COL8A1: variants seen among roughly 807,000 people sequenced by gnomAD.
COL8A1 encodes collagen type VIII alpha 1 chain.
A neutral mutation model predicts 42.7 loss-of-function variants in COL8A1; 21 were observed. The ratio of observed to expected loss-of-function variants is 0.49; its 90% CI spans 0.35 to 0.71. The LOEUF (loss-of-function observed/expected upper bound fraction) is 0.71. Ranked by LOEUF, COL8A1 falls within the 30% of genes least tolerant of loss-of-function variation. The pLI, the probability that COL8A1 is intolerant of heterozygous loss-of-function variation, is 0.01. For missense variants in COL8A1, 788 were observed against 962.4 expected (o/e 0.82, Z 2.40); for synonymous variants, 367 against 369.1 (o/e 0.99, Z 0.06).
intron 1 of COL8A1, among the ~76,000 whole-genome samples, chr3:99,644,439 G>C (rs1274992179): frequency 1.3e-5 from 2 of 152,110 alleles, no homozygotes; most frequent in Non-Finnish European, 2.9e-5. Context: ...CTCCATCATA[G>C]AAAGTGACGA....
At chr3:99,787,201 T>C (rs1385107239) in intron 2 of COL8A1, among the ~76,000 whole-genome samples, 1 of 152,214 alleles carries the variant, frequency 6.6e-6, no homozygotes, top group Non-Finnish European at 1.5e-5. Context: ...CACATTATTC[T>C]GTTAATATAT....
chr3:99,748,151 T>G (rs570500940), intron 2 of COL8A1, among the ~76,000 whole-genome samples: 1 of 152,352 alleles, frequency 6.6e-6, no homozygotes, highest in East Asian at 1.9e-4. Context: ...ACTAAATCAC[T>G]TTTTCAAGTC....
chr3:99,736,021 A>T, intron 1 of COL8A1, among the ~76,000 whole-genome samples: 2 of 125,220 alleles, frequency 1.6e-5, no homozygotes, highest in Non-Finnish European at 3.4e-5. Context: ...TTTTTATTGC[A>T]TCTATTTGAT....
intron 2 of COL8A1, among the ~76,000 whole-genome samples, chr3:99,764,866 T>A (rs1941432562): frequency 6.6e-6 from 1 of 151,960 alleles, no homozygotes; most frequent in Non-Finnish European, 1.5e-5. Context: ...GTAAAGTGCT[T>A]TTAACAGTGT....
chr3:99,715,704 AT>A (rs969009406), intron 1 of COL8A1, among the ~76,000 whole-genome samples: 8 of 151,922 alleles, frequency 5.3e-5, no homozygotes, highest in East Asian at 1.9e-4. Flanking sequence ...AGAAAGAATA[AT>A]TTTTTTTCTA....
chr3:99,646,816 A>T (rs1937653197), intron 1 of COL8A1, among the ~76,000 whole-genome samples: 1 of 152,238 alleles, frequency 6.6e-6, no homozygotes, highest in African/African-American at 2.4e-5. Flanking sequence ...AAGAGTCTTA[A>T]AAGGCTTATA....
chr3:99,704,935 T>C (rs549409953), intron 1 of COL8A1, among the ~76,000 whole-genome samples: 40 of 152,190 alleles, frequency 2.6e-4, no homozygotes, highest in African/African-American at 9.4e-4. Context: ...CTAGGGGAAG[T>C]TCCCTGCAGG....
intron 2 of COL8A1, among the ~76,000 whole-genome samples, chr3:99,765,403 T>A (rs978357184): frequency 5.9e-5 from 9 of 152,150 alleles, no homozygotes; most frequent in African/African-American, 1.9e-4. Context: ...ACAATGAGAA[T>A]CCACAATAAT....
Position 99,652,473 on chromosome 3 carries a change from G to A in COL8A1, c.-129+13809G>A, listed in dbSNP as rs115322428. Among the ~76,000 whole-genome samples, 1,026 of 152,288 alleles carry A rather than the reference G, an allele frequency of 6.7e-3. 4 individuals are homozygous for A. Among genetic ancestry groups the A allele is most frequent in the Non-Finnish European group, 0.01 (689 of 68,006 alleles). On this transcript the variant is annotated intron_variant, in intron 1 of 3. Coordinates refer to ENST00000652472, the MANE Select transcript of COL8A1 (RefSeq NM_020351.4). ...TCAATTTCTTTATATCATTAATATC[G>A]TGAGTGTTGGGGCTGGAATATAAAT... is the stretch of plus-strand genomic sequence containing the variant.
chr3:99,746,980 T>C (rs1175058856), intron 2 of COL8A1, among the ~76,000 whole-genome samples: 1 of 152,208 alleles, frequency 6.6e-6, no homozygotes, highest in Non-Finnish European at 1.5e-5. Context: ...TTATGTAGTT[T>C]ATTAAGTTCT....
intron 3 of COL8A1, among the ~76,000 whole-genome samples, chr3:99,791,500 C>G (rs891677287): frequency 6.6e-6 from 1 of 152,234 alleles, no homozygotes; most frequent in Non-Finnish European, 1.5e-5. Flanking sequence ...GTTCTTAATA[C>G]TACTCTAATT....
chr3:99,710,921 T>C (rs1254549176), intron 1 of COL8A1, among the ~76,000 whole-genome samples: 3 of 152,136 alleles, frequency 2.0e-5, no homozygotes, highest in Admixed American at 6.6e-5. Context: ...AGAAAAAATA[T>C]ATACTTTATT....
intron 1 of COL8A1, among the ~76,000 whole-genome samples, chr3:99,688,575 G>T (rs1939130320): frequency 6.6e-6 from 1 of 152,114 alleles, no homozygotes; most frequent in Non-Finnish European, 1.5e-5. Flanking sequence ...CACCTGCAAA[G>T]TCCCCTTTGC....
chr3:99,798,491 G>A lies in COL8A1; in HGVS notation c.*2355G>A, dbSNP rs527693450. 1.3e-5 allele frequency: 2 copies of A among 152,290 alleles called. No individual in the cohort carries two copies. The highest frequency in any genetic ancestry group is 4.8e-5 in the African/African-American group (2 of 41,568). The allele number at this position is 152,290 out of a possible 1,614,324, so 9.4% of individuals were successfully genotyped here. ...TGTAAAATTGTATTTATCTGTACAT[G>A]TATGGGCTTTTAATTCCCACCAAGA... On this transcript the variant is annotated 3_prime_UTR_variant, in exon 4 of 4. Coordinates refer to ENST00000652472, the MANE Select transcript of COL8A1 (RefSeq NM_020351.4).
chr3:99,795,844 C>T lies in COL8A1; in HGVS notation c.1943C>T (p.Pro648Leu), dbSNP rs763974579. 4.3e-6 allele frequency: 7 copies of T among 1,614,068 alleles called. No homozygotes were observed. Among genetic ancestry groups the T allele is most frequent in the South Asian group, 1.1e-5 (1 of 91,092 alleles). ...LLYNGRQNYN[P>L]QTGIFTCEVP... The stretch of plus-strand genomic sequence containing the variant: ...TATAACGGCAGACAGAACTACAACC[C>T]GCAGACAGGCATCTTCACCTGTGAG... The change falls in exon 4 of 4, where the codon CCG becomes CTG. Residue 648 changes from proline (P) to leucine (L), a missense_variant. Pro to Leu is a moderately conservative substitution (Grantham distance 98). Around this residue, in one of 4 missense-constraint regions of COL8A1, gnomAD observed 212 missense variants for 210.9 expected, o/e 1.00. Transcript: ENST00000652472.
At chr3:99,673,075 C>T (rs1222182484) in intron 1 of COL8A1, among the ~76,000 whole-genome samples, 2 of 152,122 alleles carry the variant, frequency 1.3e-5, no homozygotes, top group East Asian at 1.9e-4. Context: ...GATTTTCTAG[C>T]TCCCTTCATG....
chr3:99,773,837 A>ATATTATATATATATATTTATATATT (rs1200212756), intron 2 of COL8A1, among the ~76,000 whole-genome samples: 1 of 45,396 alleles, frequency 2.2e-5, no homozygotes, highest in Non-Finnish European at 3.6e-5. Flanking sequence ...ATATATATAT[A>ATATTATATATATATATTTATATATT]TTTTTTTTTT....
chr3:99,640,080 G>C (rs4928212), intron 1 of COL8A1, among the ~76,000 whole-genome samples: 18,125 of 152,122 alleles, frequency 0.12, 1,127 homozygotes, highest in Admixed American at 0.14. Context: ...AGTTCTGCTT[G>C]AGATGGAGAG....
intron 1 of COL8A1, among the ~76,000 whole-genome samples, chr3:99,669,115 T>TA (rs1192126850): frequency 8.2e-6 from 1 of 121,882 alleles, no homozygotes; most frequent in African/African-American, 3.3e-5. Flanking sequence ...GACCTTGTCT[T>TA]AAAAAAATTA....
Sources: gnomAD v4.1 joint callset for allele counts (sites outside exome capture counted in the v4.1 genomes callset) on GRCh38, gnomAD v4.1.1 for gene constraint, gnomAD v4.1.1 regional missense constraint, MANE v1.5 for transcripts, NCBI Gene and HGNC (gene_info 2026-07-23, HGNC 2026-07-21) for gene names.